Variants in PTPRD observed in about 807,000 individuals in gnomAD.
PTPRD encodes receptor-type tyrosine-protein phosphatase delta.
In PTPRD, 34 loss-of-function variants were observed where a neutral mutation model predicts 214.5. That is an observed-to-expected ratio of 0.16 (90% CI 0.12 to 0.21). PTPRD has a LOEUF of 0.21. Among genes scored for constraint, PTPRD ranks in the 10% least tolerant of loss-of-function variants. PTPRD has a pLI of 1.00. For synonymous variants in PTPRD, 1,128 were observed against 845.7 expected, an observed-to-expected ratio of 1.33 and a Z score of -5.79; for missense variants, 2,545 against 2,398.7, an observed-to-expected ratio of 1.06 and a Z score of -1.27.
chr9:8,835,483 T>C (rs866637555), intron 11 of PTPRD, among the ~76,000 whole-genome samples: 1 of 152,352 alleles, frequency 6.6e-6, no homozygotes, highest in African/African-American at 2.4e-5. Flanking sequence ...CATACACTGA[T>C]AGACTGATTT....
At chr9:10,195,342 C>T (rs879325895) in intron 3 of PTPRD, among the ~76,000 whole-genome samples, 1 of 152,022 alleles carries the variant, frequency 6.6e-6, no homozygotes, top group Non-Finnish European at 1.5e-5. Flanking sequence ...AAATCCTTTG[C>T]CCTCTTCTGT....
chr9:9,499,426 C>T (rs879709281), intron 8 of PTPRD, among the ~76,000 whole-genome samples: 5 of 151,950 alleles, frequency 3.3e-5, no homozygotes, highest in Admixed American at 1.3e-4. Context: ...AATATATTGC[C>T]GAACTATAGT....
At chr9:8,724,407 TC>T (rs1270249483) in intron 12 of PTPRD, among the ~76,000 whole-genome samples, 1 of 152,180 alleles carries the variant, frequency 6.6e-6, no homozygotes, top group African/African-American at 2.4e-5. Flanking sequence ...ATCACCCTGG[TC>T]CCTTGTACCA....
intron 36 of PTPRD, among the ~76,000 whole-genome samples, chr9:8,404,305 T>A (rs61317846): frequency 0.058 from 8,793 of 152,152 alleles, 315 homozygotes; most frequent in Non-Finnish European, 0.06. Flanking sequence ...GTTTTTGTAT[T>A]CTCAGTAGAG....
chr9:8,905,738 CA>C (rs58429749), intron 11 of PTPRD, among the ~76,000 whole-genome samples: 3,372 of 98,938 alleles, frequency 0.034, 104 homozygotes, highest in African/African-American at 0.097. Flanking sequence ...GACTCCCTCG[CA>C]AAAAAAAAAA....
intron 11 of PTPRD, among the ~76,000 whole-genome samples, chr9:8,773,231 G>C (rs1036188864): frequency 1.2e-4 from 18 of 152,236 alleles, no homozygotes; most frequent in African/African-American, 4.3e-4. Context: ...ATATCAACCA[G>C]AGAGGAAGCC....
intron 7 of PTPRD, among the ~76,000 whole-genome samples, chr9:9,691,018 TG>T (rs1380370629): frequency 1.3e-5 from 2 of 151,934 alleles, no homozygotes; most frequent in African/African-American, 4.8e-5. Context: ...TTTTAATTTT[TG>T]TGGGTACATA....
At chr9:10,433,474 C>G (rs917630405) in intron 2 of PTPRD, among the ~76,000 whole-genome samples, 2 of 151,854 alleles carry the variant, frequency 1.3e-5, no homozygotes, top group Non-Finnish European at 2.9e-5. Context: ...ATAGGGATAT[C>G]CTCTGCTCTT....
chr9:10,509,581 T>TATATATATATATA (rs1566622187), intron 2 of PTPRD, among the ~76,000 whole-genome samples: 756 of 58,800 alleles, frequency 0.013, 19 homozygotes, highest in African/African-American at 0.054. Context: ...ATATATATAT[T>TATATATATATATA]TTACTCACTT....
intron 9 of PTPRD, among the ~76,000 whole-genome samples, chr9:9,233,222 C>G (rs1272873282): frequency 2.0e-5 from 3 of 152,276 alleles, no homozygotes; most frequent in Non-Finnish European, 4.4e-5. Flanking sequence ...GGCACCTCTT[C>G]TGAGGGTGGC....
At chr9:9,150,674 T>C (rs2154487960) in intron 10 of PTPRD, among the ~76,000 whole-genome samples, 1 of 151,970 alleles carries the variant, frequency 6.6e-6, no homozygotes, top group South Asian at 2.1e-4. Flanking sequence ...AGACGGAGTT[T>C]CACTGGCCGG....
chr9:8,593,100 T>C (rs2094234685), intron 14 of PTPRD, among the ~76,000 whole-genome samples: 1 of 152,204 alleles, frequency 6.6e-6, no homozygotes, highest in South Asian at 2.1e-4. Flanking sequence ...GCTTACTTAC[T>C]GTCACTGATG....
intron 9 of PTPRD, among the ~76,000 whole-genome samples, chr9:9,390,909 G>C (rs1269539625): frequency 6.6e-6 from 1 of 152,112 alleles, no homozygotes; most frequent in Non-Finnish European, 1.5e-5. Flanking sequence ...TCACAGGCAA[G>C]TGTTTGTTGT....
intron 5 of PTPRD, among the ~76,000 whole-genome samples, chr9:9,808,516 T>C (rs2046134559): frequency 6.6e-6 from 1 of 152,298 alleles, no homozygotes; most frequent in South Asian, 2.1e-4. Context: ...GTATCTATTT[T>C]TCTGAGGGCA....
At chr9:8,331,222 A>T (rs1268786229) in intron 44 of PTPRD, among the ~76,000 whole-genome samples, 1 of 152,162 alleles carries the variant, frequency 6.6e-6, no homozygotes, top group East Asian at 1.9e-4. Flanking sequence ...CACAAACAGA[A>T]GAAAGACAGT....
At chr9:10,311,267 C>G (rs1205850172) in intron 3 of PTPRD, among the ~76,000 whole-genome samples, 2 of 151,722 alleles carry the variant, frequency 1.3e-5, no homozygotes, top group Non-Finnish European at 1.5e-5. Flanking sequence ...TTCACAATGC[C>G]TTTTTCTAAA....
intron 3 of PTPRD, among the ~76,000 whole-genome samples, chr9:10,178,905 A>T (rs948338557): frequency 1.3e-5 from 2 of 151,960 alleles, no homozygotes; most frequent in Non-Finnish European, 2.9e-5. Context: ...GTAAAAATGT[A>T]TTTCTATGAG....
intron 10 of PTPRD, among the ~76,000 whole-genome samples, chr9:9,134,202 A>T (rs2099847361): frequency 6.8e-6 from 1 of 147,816 alleles, no homozygotes; most frequent in Non-Finnish European, 1.5e-5. Context: ...CCTCCCGAGT[A>T]GCTGGGACTA....
chr9:9,287,229 C>A (rs1460872321), intron 9 of PTPRD, among the ~76,000 whole-genome samples: 1 of 151,370 alleles, frequency 6.6e-6, no homozygotes, highest in East Asian at 2.0e-4. Flanking sequence ...TGTCATCCCA[C>A]CCCAAAACAA....
Sources: allele counts gnomAD v4.1 joint callset (sites outside exome capture counted in the v4.1 genomes callset), GRCh38; gene constraint gnomAD v4.1.1; transcripts MANE v1.5; gene names NCBI Gene and HGNC (gene_info 2026-07-23, HGNC 2026-07-21).